Variants in ATP10B observed in about 807,000 individuals in gnomAD.
ATP10B encodes the protein phospholipid-transporting ATPase VB.
A neutral mutation model predicts 141.2 loss-of-function variants in ATP10B; 122 were observed. The observed-to-expected ratio is 0.86, with a 90% CI of 0.75 to 1.00. The LOEUF (loss-of-function observed/expected upper bound fraction) is 1.00. ATP10B is among the 50% of genes least tolerant of loss of function. ATP10B has a pLI of 0.00. For missense variants in ATP10B, 1,876 were observed against 1,825.3 expected (o/e 1.03, Z -0.51); for synonymous variants, 685 against 692.0 (o/e 0.99, Z 0.16).
At chr5:160,795,139 C>T (rs1771848932) in intron 1 of ATP10B, among the ~76,000 whole-genome samples, 1 of 152,084 alleles carries the variant, frequency 6.6e-6, no homozygotes, top group Non-Finnish European at 1.5e-5. Context: ...GGTACATAAG[C>T]TATTTCATTT....
At chr5:160,682,647 C>T (rs1031839911) in intron 6 of ATP10B, among the ~76,000 whole-genome samples, 8 of 152,128 alleles carry the variant, frequency 5.3e-5, no homozygotes, top group Non-Finnish European at 7.3e-5. Flanking sequence ...CCCTGAGGCA[C>T]CAGCTTCCTG....
chr5:160,903,648 T>C, the ATP10B span, among the ~76,000 whole-genome samples: 1 of 152,152 alleles, frequency 6.6e-6, no homozygotes, highest in Non-Finnish European at 1.5e-5. Context: ...CCATTTAGAT[T>C]ATGGTAGAGC....
At chr5:160,900,800 T>TTTTGC in the ATP10B span, among the ~76,000 whole-genome samples, 156 of 151,250 alleles carry the variant, frequency 1.0e-3, 1 homozygote, top group Middle Eastern at 0.01. Flanking sequence ...ACATTTTTTT[T>TTTTGC]TTATTTGTGG....
intron 25 of ATP10B, among the ~76,000 whole-genome samples, chr5:160,569,072 T>G (rs1754719902): frequency 6.6e-6 from 1 of 152,226 alleles, no homozygotes; most frequent in African/African-American, 2.4e-5. Flanking sequence ...TGAGAAGCTC[T>G]TTCTTCCAAT....
At chr5:160,757,698 G>A (rs1768729060) in intron 2 of ATP10B, among the ~76,000 whole-genome samples, 1 of 152,076 alleles carries the variant, frequency 6.6e-6, no homozygotes, top group South Asian at 2.1e-4. Context: ...TGGATGGGGG[G>A]ATATATATGG....
At chr5:160,689,492 C>T (rs1284729987) in intron 3 of ATP10B, among the ~76,000 whole-genome samples, 8 of 152,220 alleles carry the variant, frequency 5.3e-5, no homozygotes, top group South Asian at 4.2e-4. Flanking sequence ...TTCTCAGCCC[C>T]AAATCTCCCT....
intron 17 of ATP10B, chr5:160,614,397 G>T (rs1389339328): frequency 6.6e-6 from 1 of 152,166 alleles, no homozygotes; most frequent in Admixed American, 6.5e-5. Flanking sequence ...AAGAACCGGA[G>T]GAACACCTCT....
At chr5:160,708,925 CA>C (rs1765185356) in intron 3 of ATP10B, among the ~76,000 whole-genome samples, 1 of 152,126 alleles carries the variant, frequency 6.6e-6, no homozygotes, top group Non-Finnish European at 1.5e-5. Flanking sequence ...ACCATGATAG[CA>C]AGCAGACAAA....
intron 13 of ATP10B, 116 bp downstream of exon 13, chr5:160,632,013 G>A (rs939625066): frequency 1.5e-5 from 13 of 884,478 alleles, no homozygotes; most frequent in Admixed American, 4.8e-5. Context: ...AAAACCAAGG[G>A]CACCATTTTG....
intron 22 of ATP10B, among the ~76,000 whole-genome samples, chr5:160,593,160 C>A (rs547184545): frequency 6.6e-6 from 1 of 152,224 alleles, no homozygotes; most frequent in Non-Finnish European, 1.5e-5. Context: ...AACTGGGAGG[C>A]ACCCCCTCAG....
chr5:160,860,010 T>C, the ATP10B span, among the ~76,000 whole-genome samples: 2 of 151,858 alleles, frequency 1.3e-5, no homozygotes, highest in African/African-American at 4.8e-5. Context: ...TGAATAAATG[T>C]ATATTACTCT....
chr5:160,732,554 G>A (rs1445001657), intron 2 of ATP10B, among the ~76,000 whole-genome samples: 1 of 152,122 alleles, frequency 6.6e-6, no homozygotes, highest in East Asian at 1.9e-4. Context: ...TTATTGAAGA[G>A]GCTATGTTTT....
intron 1 of ATP10B, among the ~76,000 whole-genome samples, chr5:160,818,828 G>T (rs1171695777): frequency 3.3e-5 from 5 of 152,190 alleles, no homozygotes; most frequent in African/African-American, 1.2e-4. Context: ...CATAAAAAAT[G>T]ATGAGTTCAT....
At chr5:160,917,879 G>A in the ATP10B span, among the ~76,000 whole-genome samples, 21 of 152,180 alleles carry the variant, frequency 1.4e-4, no homozygotes, top group Admixed American at 9.2e-4. Context: ...GCAAGCTTTC[G>A]GGGAGCTGTG....
At chr5:160,632,999 A>C (rs1205968083) in intron 12 of ATP10B, 1 of 152,284 alleles carries the variant, frequency 6.6e-6, no homozygotes, top group African/African-American at 2.4e-5. Context: ...AGAGAAATGC[A>C]AATCAAAACC....
intron 2 of ATP10B, among the ~76,000 whole-genome samples, chr5:160,757,406 T>C (rs1214107031): frequency 6.6e-6 from 1 of 152,212 alleles, no homozygotes; most frequent in Non-Finnish European, 1.5e-5. Context: ...GTGGAGAAGA[T>C]AATTCATACA....
chr5:160,730,350 T>C (rs1766652149), intron 2 of ATP10B, among the ~76,000 whole-genome samples: 1 of 152,070 alleles, frequency 6.6e-6, no homozygotes. Flanking sequence ...CTACCCTGAA[T>C]GGAACGATAT....
At position 160,680,864 on chromosome 5, in the gene ATP10B, A is replaced by G. The variant is rs563352938; in HGVS notation, c.470+5215T>C. Among the ~76,000 whole-genome samples the G allele has an allele frequency of 2.6e-5, 4 of 152,298 alleles. No individual in the cohort carries two copies. The South Asian group carries it at 8.3e-4, about 32-fold the overall frequency. ...TGTGAGGAGGCTCTAGGGAGTAGTA[A>G]GCTTCCTTGACCTTCCAAGATGGCT... On this transcript the variant is annotated intron_variant, in intron 6 of 25. Coordinates refer to ENST00000327245, the MANE Select transcript of ATP10B (RefSeq NM_025153.3).
chr5:160,723,411 T>C (rs750873199), intron 2 of ATP10B, among the ~76,000 whole-genome samples: 6 of 152,192 alleles, frequency 3.9e-5, no homozygotes, highest in Non-Finnish European at 7.3e-5. Context: ...GATGTAACAG[T>C]AGCTAACTAT....
Sources: allele counts gnomAD v4.1 joint callset (sites outside exome capture counted in the v4.1 genomes callset), GRCh38; gene constraint gnomAD v4.1.1; transcripts MANE v1.5; gene names NCBI Gene and HGNC (gene_info 2026-07-23, HGNC 2026-07-21).